Variants in KHDRBS2 observed in about 807,000 individuals in gnomAD.
KHDRBS2 encodes KH RNA binding domain containing, signal transduction associated 2, also known as KH domain-containing, RNA-binding, signal transduction-associated protein 2.
Under a neutral mutation model 44.3 loss-of-function variants are expected in KHDRBS2, and 26 were observed. That is an observed-to-expected ratio of 0.59 (90% CI 0.43 to 0.81). The LOEUF is 0.81. Ranked by LOEUF, KHDRBS2 falls within the 40% of genes least tolerant of loss-of-function variation. KHDRBS2 has a pLI of 0.00. For synonymous variants in KHDRBS2, 194 were observed against 151.1 expected (o/e 1.28, Z -2.08); for missense variants, 476 against 433.1 (o/e 1.10, Z -0.88).
chr6:62,107,333 C>A (rs543635172), intron 2 of KHDRBS2, among the ~76,000 whole-genome samples: 1 of 152,146 alleles, frequency 6.6e-6, no homozygotes, highest in Non-Finnish European at 1.5e-5. Context: ...TGAGTGAACT[C>A]CCATTCACAA....
the KHDRBS2 span, among the ~76,000 whole-genome samples, chr6:61,595,316 C>T: frequency 6.6e-6 from 1 of 152,022 alleles, no homozygotes; most frequent in East Asian, 1.9e-4. Context: ...TTAGAAACAA[C>T]CTAAGTGTCC....
intron 2 of KHDRBS2, among the ~76,000 whole-genome samples, chr6:62,165,903 C>G (rs1268933755): frequency 6.6e-6 from 1 of 151,914 alleles, no homozygotes; most frequent in Non-Finnish European, 1.5e-5. Context: ...CAACTATCCA[C>G]TTCTAGAAGT....
chr6:61,868,153 C>A (rs1798056998), intron 6 of KHDRBS2, among the ~76,000 whole-genome samples: 1 of 151,952 alleles, frequency 6.6e-6, no homozygotes. Context: ...GCAGGGGTGG[C>A]TGGGAGGACC....
chr6:62,105,501 C>A (rs1431742369), intron 2 of KHDRBS2, among the ~76,000 whole-genome samples: 1 of 152,062 alleles, frequency 6.6e-6, no homozygotes, highest in South Asian at 2.1e-4. Context: ...CTGGTTTAGT[C>A]TTGGGAGGGT....
At chr6:61,690,789 T>A (rs1767317003) in intron 8 of KHDRBS2, among the ~76,000 whole-genome samples, 1 of 152,122 alleles carries the variant, frequency 6.6e-6, no homozygotes, top group South Asian at 2.1e-4. Flanking sequence ...TGGCAATTCA[T>A]CCTTTCAGTA....
Position 62,121,169 on chromosome 6 carries a change from G to A in KHDRBS2, c.219+56016C>T, listed in dbSNP as rs560609926. ...GTAATTGGCATAGACATACTTAGCAGCTGGCAGAATCCCCACATTGGCTCC... is the reference window on the plus strand; with the variant it reads ...GTAATTGGCATAGACATACTTAGCAACTGGCAGAATCCCCACATTGGCTCC... On this transcript the variant is annotated intron_variant, in intron 2 of 8. Coordinates refer to ENST00000281156, the MANE Select transcript of KHDRBS2 (RefSeq NM_152688.4). 5.7e-4 allele frequency among the ~76,000 whole-genome samples: 87 copies of A among 152,278 alleles called. 1 individual carries two copies. Among genetic ancestry groups the A allele is most frequent in the Admixed American group, 1.6e-3 (25 of 15,284 alleles).
chr6:61,567,890 G>A, the KHDRBS2 span, among the ~76,000 whole-genome samples: 34 of 151,872 alleles, frequency 2.2e-4, no homozygotes, highest in East Asian at 3.9e-4. Flanking sequence ...AGCTGTGATC[G>A]CCAGGGATGA....
At chr6:62,183,971 CCAAGTAAAGTTTATA>C (rs1391414241) in intron 1 of KHDRBS2, among the ~76,000 whole-genome samples, 1 of 151,600 alleles carries the variant, frequency 6.6e-6, no homozygotes, top group Non-Finnish European at 1.5e-5. Context: ...AATAATATCA[CCAAGTAAAGTTTATA>C]CCACTTTTTT....
chr6:62,251,305 T>C (rs1836486723), intron 1 of KHDRBS2, among the ~76,000 whole-genome samples: 1 of 151,912 alleles, frequency 6.6e-6, no homozygotes, highest in Non-Finnish European at 1.5e-5. Flanking sequence ...TTGAATAACT[T>C]GAAGATAAGT....
intron 2 of KHDRBS2, among the ~76,000 whole-genome samples, chr6:62,111,278 C>T (rs1457403074): frequency 6.6e-6 from 1 of 152,014 alleles, no homozygotes. Context: ...TTCAAATATG[C>T]TTCATTTTGG....
intron 7 of KHDRBS2, among the ~76,000 whole-genome samples, chr6:61,706,929 AAAAAACAAAAAC>A (rs894132698): frequency 1.3e-5 from 2 of 151,716 alleles, no homozygotes; most frequent in African/African-American, 2.4e-5. Flanking sequence ...CTATACAAGT[AAAAAACAAAAAC>A]AAAAACAAAA....
At chr6:61,595,245 T>G in the KHDRBS2 span, among the ~76,000 whole-genome samples, 1 of 152,160 alleles carries the variant, frequency 6.6e-6, no homozygotes, top group Non-Finnish European at 1.5e-5. Context: ...AGGAAATTAG[T>G]GTCTCAAAGA....
At chr6:62,119,078 A>C (rs1806984120) in intron 2 of KHDRBS2, among the ~76,000 whole-genome samples, 1 of 152,192 alleles carries the variant, frequency 6.6e-6, no homozygotes, top group South Asian at 2.1e-4. Flanking sequence ...AAGAGAATTC[A>C]AAGATAGATT....
intron 4 of KHDRBS2, among the ~76,000 whole-genome samples, chr6:61,973,639 A>C (rs1195703636): frequency 6.6e-6 from 1 of 152,164 alleles, no homozygotes; most frequent in Non-Finnish European, 1.5e-5. Flanking sequence ...TCTTAAATTG[A>C]CTTAAAATCT....
chr6:61,549,875 A>G, the KHDRBS2 span, among the ~76,000 whole-genome samples: 1 of 152,320 alleles, frequency 6.6e-6, no homozygotes, highest in African/African-American at 2.4e-5. Flanking sequence ...GTTATATTCT[A>G]GGTTAAATGA....
At position 61,853,408 on chromosome 6, in the gene KHDRBS2, AG is replaced by A. The variant is rs575401659; in HGVS notation, c.810+41226del. 3.3e-5 allele frequency among the ~76,000 whole-genome samples: 5 copies of A among 152,356 alleles called. No homozygotes were observed. In the East Asian group the frequency reaches 9.6e-4, roughly 29 times the overall value. The stretch of plus-strand genomic sequence containing the variant: ...CTGTAGAAAAATGATTATAATAAAA[AG>A]TTGCATAAACATAATTACAGTTATG... On this transcript the variant is annotated intron_variant, in intron 6 of 8. Transcript: ENST00000281156.
the KHDRBS2 span, among the ~76,000 whole-genome samples, chr6:61,544,240 AT>A: frequency 6.6e-6 from 1 of 152,080 alleles, no homozygotes. Flanking sequence ...ACACCTAAAA[AT>A]TAAAATAAAT....
intron 6 of KHDRBS2, among the ~76,000 whole-genome samples, chr6:61,874,920 G>T (rs375682502): frequency 1.3e-5 from 2 of 152,058 alleles, no homozygotes; most frequent in Non-Finnish European, 2.9e-5. Context: ...TCATTTAATT[G>T]ATTTTTTTGA....
chr6:62,052,851 C>T (rs9354587), intron 2 of KHDRBS2, among the ~76,000 whole-genome samples: 108,061 of 151,768 alleles, frequency 0.71, 39,842 homozygotes, highest in East Asian at 0.82. Flanking sequence ...TCCTGCTATG[C>T]GGCCTGGTTC....
Sources: allele counts gnomAD v4.1 joint callset (sites outside exome capture counted in the v4.1 genomes callset), GRCh38; gene constraint gnomAD v4.1.1; transcripts MANE v1.5; gene names NCBI Gene and HGNC (gene_info 2026-07-23, HGNC 2026-07-21).